The following PRKAR1A variants were observed in gnomAD, a reference collection of about 807,000 sequenced individuals.
PRKAR1A encodes cAMP-dependent protein kinase type I-alpha regulatory subunit.
Under a neutral mutation model 52.0 loss-of-function variants are expected in PRKAR1A, and 3 were observed. The ratio of observed to expected loss-of-function variants is 0.06; its 90% confidence interval spans 0.03 to 0.15. The LOEUF is 0.15. PRKAR1A is among the 10% of genes least tolerant of loss of function. PRKAR1A has a pLI of 1.00. For missense variants in PRKAR1A, 240 were observed against 477.4 expected (o/e 0.50, Z 4.63); for synonymous variants, 188 against 168.4 (o/e 1.12, Z -0.90).
the PRKAR1A span, among the ~76,000 whole-genome samples, chr17:68,446,899 C>T: frequency 3.3e-5 from 5 of 152,148 alleles, no homozygotes; most frequent in South Asian, 2.1e-4. Context: ...TAAGACTAAA[C>T]GCAGAGGGAA....
At chr17:68,469,323 T>G in the PRKAR1A span, among the ~76,000 whole-genome samples, 4 of 152,164 alleles carry the variant, frequency 2.6e-5, no homozygotes, top group African/African-American at 9.7e-5. Flanking sequence ...CTCAATTTCT[T>G]CTACCCCCAG....
chr17:68,483,128 T>C, the PRKAR1A span, among the ~76,000 whole-genome samples: 1 of 152,040 alleles, frequency 6.6e-6, no homozygotes, highest in African/African-American at 2.4e-5. Context: ...TGAGTTTTTT[T>C]TTTTGTCTAT....
the PRKAR1A span, among the ~76,000 whole-genome samples, chr17:68,495,013 T>C: frequency 6.6e-6 from 1 of 152,230 alleles, no homozygotes; most frequent in Admixed American, 6.5e-5. Flanking sequence ...TCTGTCTACC[T>C]TCCCTTCCTA....
At chr17:68,481,188 C>T in the PRKAR1A span, among the ~76,000 whole-genome samples, 21 of 152,244 alleles carry the variant, frequency 1.4e-4, no homozygotes, top group Middle Eastern at 0.01. Context: ...AGCTTAGTTA[C>T]GCATTAAAAC....
the PRKAR1A span, among the ~76,000 whole-genome samples, chr17:68,439,358 G>A: frequency 1.3e-5 from 2 of 152,190 alleles, no homozygotes; most frequent in African/African-American, 2.4e-5. Flanking sequence ...ATTAGGCTAT[G>A]TGAAAGAAGT....
chr17:68,530,803 T>C lies in PRKAR1A; in HGVS notation c.*354T>C. The C allele has an allele frequency of 8.0e-7, 1 of 1,254,794 alleles. No individual in the cohort carries two copies. The highest frequency in any genetic ancestry group is 1.0e-6 in the Non-Finnish European group (1 of 987,842). 77.7% of individuals were successfully genotyped at this position (1,254,794 alleles called of 1,614,324 possible). ...ATGATGTAACAGTGCAAGATTTTTT[T>C]TTTAAGTGACATAATTGTCCAGTTA... On this transcript the variant is annotated 3_prime_UTR_variant, in exon 11 of 11. Coordinates refer to ENST00000589228, the MANE Select transcript of PRKAR1A (RefSeq NM_002734.5).
At chr17:68,456,778 G>C in the PRKAR1A span, among the ~76,000 whole-genome samples, 1 of 152,226 alleles carries the variant, frequency 6.6e-6, no homozygotes, top group South Asian at 2.1e-4. Context: ...GAGCGGGCAG[G>C]CACGATGCCC....
chr17:68,532,055 A>C lies in PRKAR1A; in HGVS notation c.*1606A>C, dbSNP rs144632545. The C allele has an allele frequency of 2.8e-6, 3 of 1,065,268 alleles. No homozygotes were observed. The highest frequency in any genetic ancestry group is 4.1e-4 in the Middle Eastern group (1 of 2,422). 66.0% of individuals were successfully genotyped at this position (1,065,268 alleles called of 1,614,324 possible). On this transcript the variant is annotated 3_prime_UTR_variant, in exon 11 of 11. Coordinates refer to ENST00000589228, the MANE Select transcript of PRKAR1A (RefSeq NM_002734.5). Reference sequence around the variant, plus strand: ...AAAAACTTTTAGGTTGTTACCAAGTATGAAGTATAAATCTGGGGAAGAGGT... The same window carrying C: ...AAAAACTTTTAGGTTGTTACCAAGTCTGAAGTATAAATCTGGGGAAGAGGT...
At chr17:68,477,666 G>T in the PRKAR1A span, among the ~76,000 whole-genome samples, 1 of 150,214 alleles carries the variant, frequency 6.7e-6, no homozygotes, top group Non-Finnish European at 1.5e-5. Context: ...TCCTATGTTC[G>T]ATCTAATGCT....
At chr17:68,528,066 C>T (rs899338005) in intron 8 of PRKAR1A, among the ~76,000 whole-genome samples, 166 bp downstream of exon 8, 1 of 152,190 alleles carries the variant, frequency 6.6e-6, no homozygotes, top group Non-Finnish European at 1.5e-5. Context: ...GTTATTTCCT[C>T]TGTGACTTCC....
chr17:68,526,690 C>T (rs1236793866), intron 7 of PRKAR1A, among the ~76,000 whole-genome samples: 2 of 151,912 alleles, frequency 1.3e-5, no homozygotes, highest in South Asian at 2.1e-4. Context: ...ACCACATGTT[C>T]TCACTTACAG....
chr17:68,454,795 T>C, the PRKAR1A span, among the ~76,000 whole-genome samples: 1 of 152,236 alleles, frequency 6.6e-6, no homozygotes, highest in Admixed American at 6.5e-5. Context: ...TAGAGTCTTA[T>C]AACATTAATG....
intron 2 of PRKAR1A, among the ~76,000 whole-genome samples, chr17:68,517,325 A>G (rs779929428): frequency 6.6e-6 from 1 of 152,146 alleles, no homozygotes; most frequent in Non-Finnish European, 1.5e-5. Flanking sequence ...GTTAATTTGT[A>G]TGTTAGTCTA....
the PRKAR1A span, among the ~76,000 whole-genome samples, chr17:68,486,519 T>TCCTTCCC: frequency 3.3e-3 from 246 of 75,290 alleles, 1 homozygote; most frequent in Middle Eastern, 6.8e-3. Flanking sequence ...CTTTCTTTCT[T>TCCTTCCC]TCTTTCTTTC....
the PRKAR1A span, chr17:68,421,784 T>C: frequency 6.2e-7 from 1 of 1,614,172 alleles, no homozygotes. Flanking sequence ...CATGACTGCT[T>C]CGTTTTGCCC....
chr17:68,421,779 C>T, the PRKAR1A span: 1 of 1,614,202 alleles, frequency 6.2e-7, no homozygotes, highest in Non-Finnish European at 8.5e-7. Flanking sequence ...CTCATCATGA[C>T]TGCTTCGTTT....
At chr17:68,534,655 T>G (rs752505973), downstream of PRKAR1A, among the ~76,000 whole-genome samples, 18 of 151,778 alleles carry the variant, frequency 1.2e-4, no homozygotes, top group Non-Finnish European at 1.8e-4. Flanking sequence ...TGCTGACTAG[T>G]GTTCCTAAGT....
At chr17:68,478,608 A>ATGTGTGTGTG in the PRKAR1A span, among the ~76,000 whole-genome samples, 252 of 151,104 alleles carry the variant, frequency 1.7e-3, 1 homozygote, top group African/African-American at 5.7e-3. Flanking sequence ...ATTTAGAAAT[A>ATGTGTGTGTG]TGTGTGTGTG....
chr17:68,524,610 T>A (rs759053635), intron 5 of PRKAR1A, among the ~76,000 whole-genome samples: 2 of 152,220 alleles, frequency 1.3e-5, no homozygotes, highest in Non-Finnish European at 2.9e-5. Flanking sequence ...AATTTGTTAT[T>A]AACTATTTGA....
Sources: allele counts gnomAD v4.1 joint callset (sites outside exome capture counted in the v4.1 genomes callset), GRCh38; gene constraint gnomAD v4.1.1; transcripts MANE v1.5; gene names NCBI Gene and HGNC (gene_info 2026-07-23, HGNC 2026-07-21).